Variants in DMD observed in about 807,000 individuals in gnomAD.
DMD encodes dystrophin.
In DMD, 63 loss-of-function variants were observed where a neutral mutation model predicts 330.1. The observed-to-expected ratio is 0.19, with a 90% CI of 0.16 to 0.24. The LOEUF (loss-of-function observed/expected upper bound fraction) is 0.24, where lower values mean the gene tolerates loss of function less well. Ranked by LOEUF, DMD falls within the 10% of genes least tolerant of loss-of-function variation. The pLI is 1.00. For synonymous variants in DMD, 1,223 were observed against 959.8 expected (o/e 1.27, Z -5.07); for missense variants, 3,344 against 2,684.1 (o/e 1.25, Z -5.43).
chrX:32,782,737 T>C (rs2074901463), intron 7 of DMD, among the ~76,000 whole-genome samples: 1 of 110,074 alleles, frequency 9.1e-6, no homozygotes, highest in South Asian at 3.8e-4. Flanking sequence ...ATTGTGCATT[T>C]GAAAATAACT....
chrX:32,156,987 G>C (rs1030824670), intron 44 of DMD, among the ~76,000 whole-genome samples: 11 of 111,997 alleles, frequency 9.8e-5, no homozygotes, highest in African/African-American at 3.6e-4. Context: ...TGTGCCTATC[G>C]GGACAGCTGA....
intron 13 of DMD, among the ~76,000 whole-genome samples, chrX:32,590,407 A>C (rs891957844): frequency 1.8e-5 from 2 of 111,131 alleles, no homozygotes; most frequent in African/African-American, 6.6e-5. Flanking sequence ...GGATGCCTAG[A>C]TCACTGATGA....
At chrX:32,546,350 T>C (rs951801996) in intron 16 of DMD, among the ~76,000 whole-genome samples, 4 of 109,242 alleles carry the variant, frequency 3.7e-5, no homozygotes, top group Non-Finnish European at 7.6e-5. Context: ...AAACTGCCTC[T>C]GGTTACAAGC....
At chrX:32,964,940 A>G (rs1408334532) in intron 2 of DMD, among the ~76,000 whole-genome samples, 5 of 112,014 alleles carry the variant, frequency 4.5e-5, no homozygotes, top group African/African-American at 1.6e-4. Context: ...CAAACTGACT[A>G]CAAGTAGCTC....
At chrX:33,050,912 A>C (rs1404281343) in intron 1 of DMD, among the ~76,000 whole-genome samples, 3 of 111,874 alleles carry the variant, frequency 2.7e-5, no homozygotes, top group Non-Finnish European at 5.6e-5. Flanking sequence ...CAAGAGCAGA[A>C]TTGAGATAGA....
At chrX:31,272,708 C>G (rs946614689) in intron 62 of DMD, among the ~76,000 whole-genome samples, 1 of 112,138 alleles carries the variant, frequency 8.9e-6, no homozygotes, top group African/African-American at 3.2e-5. Context: ...GTAAATTAAC[C>G]CTTTGATCTA....
intron 60 of DMD, among the ~76,000 whole-genome samples, chrX:31,394,963 C>G (rs866630240): frequency 1.1e-3 from 34 of 31,487 alleles, no homozygotes; most frequent in South Asian, 3.7e-3. Context: ...GAGAGAGAGA[C>G]CAAGTGTGGT....
At chrX:32,630,328 T>A (rs774349638) in intron 11 of DMD, among the ~76,000 whole-genome samples, 1 of 111,503 alleles carries the variant, frequency 9.0e-6, no homozygotes, top group South Asian at 3.8e-4. Context: ...ATGTGATTTT[T>A]TTTTTTATAT....
intron 17 of DMD, 70 bp downstream of exon 17, chrX:32,545,089 C>A: frequency 2.8e-6 from 3 of 1,062,294 alleles, no homozygotes; most frequent in South Asian, 1.9e-5. Flanking sequence ...AGTGAAAACA[C>A]CACCAACAAA....
chrX:32,567,834 A>G (rs1039627189), intron 15 of DMD, among the ~76,000 whole-genome samples: 1 of 112,375 alleles, frequency 8.9e-6, no homozygotes, highest in Non-Finnish European at 1.9e-5. Context: ...TTGAATTTCA[A>G]TGTATATTCC....
intron 1 of DMD, chrX:33,041,705 T>G: frequency 8.3e-7 from 1 of 1,207,452 alleles, no homozygotes; most frequent in Non-Finnish European, 1.1e-6. Flanking sequence ...CTGGATTCAG[T>G]GAAGTTAGAA....
intron 13 of DMD, among the ~76,000 whole-genome samples, chrX:32,581,791 G>A (rs894767004): frequency 9.0e-6 from 1 of 111,657 alleles, no homozygotes; most frequent in Non-Finnish European, 1.9e-5. Context: ...CACTTTCATG[G>A]ACGTAAAGGA....
intron 13 of DMD, among the ~76,000 whole-genome samples, chrX:32,574,703 G>A (rs2052825998): frequency 9.1e-6 from 1 of 110,347 alleles, no homozygotes; most frequent in African/African-American, 3.3e-5. Context: ...ATAAAATATT[G>A]ACGTGCTTTA....
chrX:32,942,777 G>A (rs775930365), intron 2 of DMD, among the ~76,000 whole-genome samples: 1 of 111,413 alleles, frequency 9.0e-6, no homozygotes, highest in East Asian at 2.8e-4. Context: ...CCTAATCATA[G>A]TTAGAGAACA....
rs771533923 is a variant in DMD at position 31,708,492 on chromosome X, T to C, written c.7660+21139A>G. Among the ~76,000 whole-genome samples the C allele has an allele frequency of 1.2e-4, 13 of 112,200 alleles. No homozygotes were observed. The East Asian group carries it at 3.6e-3, about 31-fold the overall frequency. ...ACTTTGATGTATTTCCTTCCAGTTATAATTTCTTTTGCTGGTTTTCTCTGT... is the reference window on the plus strand; with the variant it reads ...ACTTTGATGTATTTCCTTCCAGTTACAATTTCTTTTGCTGGTTTTCTCTGT... On this transcript the variant is annotated intron_variant, in intron 52 of 78. Coordinates refer to ENST00000357033, the MANE Select transcript of DMD (RefSeq NM_004006.3).
intron 52 of DMD, among the ~76,000 whole-genome samples, chrX:31,689,733 C>T (rs777462990): frequency 8.9e-5 from 10 of 111,785 alleles, no homozygotes; most frequent in Non-Finnish European, 1.3e-4. Context: ...TACAAGGCTA[C>T]GGTAACCAAA....
chrX:32,023,106 C>A (rs1173027460), intron 44 of DMD, among the ~76,000 whole-genome samples: 1 of 111,588 alleles, frequency 9.0e-6, no homozygotes, highest in Non-Finnish European at 1.9e-5. Context: ...GCTGAGATTA[C>A]AGGCATGAGC....
chrX:32,947,057 C>T (rs66780668), intron 2 of DMD, among the ~76,000 whole-genome samples: 5,173 of 111,983 alleles, frequency 0.046, 278 homozygotes, highest in African/African-American at 0.15. Flanking sequence ...AATTAGTAAA[C>T]AAGCTAATCC....
chrX:33,032,221 T>C (rs747294101), intron 1 of DMD, among the ~76,000 whole-genome samples: 1 of 112,139 alleles, frequency 8.9e-6, no homozygotes, highest in East Asian at 2.8e-4. Flanking sequence ...TTTTCACTTT[T>C]CTTGGTCCTT....
Sources: gnomAD v4.1 joint callset for allele counts (sites outside exome capture counted in the v4.1 genomes callset) on GRCh38, gnomAD v4.1.1 for gene constraint, MANE v1.5 for transcripts, NCBI Gene and HGNC (gene_info 2026-07-23, HGNC 2026-07-21) for gene names.